The following KIF5B variants were observed in gnomAD, a reference collection of about 807,000 sequenced individuals.
The protein encoded by KIF5B is kinesin family member 5B.
In KIF5B, 49 loss-of-function variants were observed where a neutral mutation model predicts 132.8. That is an observed-to-expected ratio of 0.37 (90% CI 0.29 to 0.47). The LOEUF (loss-of-function observed/expected upper bound fraction) is 0.47, where lower values mean the gene tolerates loss of function less well. KIF5B is among the 20% of genes least tolerant of loss of function. The pLI is 1.00. For synonymous variants in KIF5B, 355 were observed against 369.4 expected (o/e 0.96, Z 0.45); for missense variants, 780 against 1,144.0 (o/e 0.68, Z 4.59).
chr10:32,018,027 T>A, intron 23 of KIF5B, 25 bp downstream of exon 23: 2 of 1,300,958 alleles, frequency 1.5e-6, no homozygotes, highest in Non-Finnish European at 2.2e-6. Context: ...ATCTTGCAGC[T>A]ACCAGAAAAT....
intron 2 of KIF5B, among the ~76,000 whole-genome samples, chr10:32,047,535 A>C (rs182966456): frequency 9.3e-4 from 142 of 152,190 alleles, no homozygotes; most frequent in African/African-American, 3.3e-3. Flanking sequence ...CTTTTCCTAG[A>C]ACCTCTTCCC....
intron 24 of KIF5B, among the ~76,000 whole-genome samples, chr10:32,016,257 G>C (rs555855426): frequency 6.6e-4 from 100 of 152,138 alleles, no homozygotes; most frequent in African/African-American, 2.2e-3. Context: ...AGGAGTACGA[G>C]ACCAGCCTGA....
rs780815861 is a variant in KIF5B, at chr10:32,022,953, G to C, written c.1809C>G (p.Thr603=). 6.2e-7 allele frequency: 1 copy of C among 1,613,196 alleles called. No homozygotes were observed. The highest frequency in any genetic ancestry group is 1.3e-5 in the African/African-American group (1 of 74,952). Residue 603 remains threonine, a synonymous_variant, in exon 16 of 26, where the codon ACC becomes ACG. Transcript: ENST00000302418. ...CTAACTGCTTGCAACGTTTCACCATGGTTTTTACTTCTGACTTCATTTTGC... is the reference window on the plus strand; with the variant it reads ...CTAACTGCTTGCAACGTTTCACCATCGTTTTTACTTCTGACTTCATTTTGC... ...YISKMKSEVK[T]MVKRCKQLES...
At chr10:32,013,595 G>C (rs1454865812) in intron 25 of KIF5B, among the ~76,000 whole-genome samples, 1 of 152,170 alleles carries the variant, frequency 6.6e-6, no homozygotes, top group Non-Finnish European at 1.5e-5. Context: ...AGCTGTACAG[G>C]ATAGTGAAAA....
intron 2 of KIF5B, among the ~76,000 whole-genome samples, chr10:32,043,534 G>A (rs968694708): frequency 1.3e-5 from 2 of 152,192 alleles, no homozygotes; most frequent in Admixed American, 1.3e-4. Context: ...GAATACAGCG[G>A]CAGAGAGTTC....
chr10:32,014,902 C>T (rs554907152), intron 25 of KIF5B, among the ~76,000 whole-genome samples: 2 of 152,276 alleles, frequency 1.3e-5, no homozygotes, highest in East Asian at 1.9e-4. Context: ...GCGGGCAGAT[C>T]GCCTGAAGTC....
Position 32,019,870 on chromosome 10 carries a change from A to G in KIF5B, c.2294T>C (p.Leu765Pro). The change falls in exon 20 of 26, where the codon CTA becomes CCA. Residue 765 changes from leucine to proline, a missense_variant. Coordinates refer to ENST00000302418, the MANE Select transcript of KIF5B (RefSeq NM_004521.3). ...AACAATTACTCACGTAAGTTCATGT[A>G]GTTTTCTGCTCTTTTCCTGATCTGT... ...KATDQEKSRK[L>P]HELTVMQDRR... The G allele has an allele frequency of 6.2e-7, 1 of 1,600,260 alleles. No homozygotes were observed. Among genetic ancestry groups the G allele is most frequent in the Non-Finnish European group, 8.5e-7 (1 of 1,170,410 alleles).
rs150373625 is a variant in KIF5B, at chr10:32,044,541, G to A, written c.214+3923C>T. ...ACAAAAATTAGCAGGGTGTGGTGGC[G>A]CATGCCCGTAATCCCAGCTACTCAG... On this transcript the variant is annotated intron_variant, in intron 2 of 25. Transcript: ENST00000302418. Among the ~76,000 whole-genome samples the A allele has an allele frequency of 8.6e-3, 1,305 of 152,206 alleles. 26 individuals carry two copies. The highest frequency in any genetic ancestry group is 0.03 in the African/African-American group (1,226 of 41,532).
chr10:32,048,327 T>C, intron 2 of KIF5B, 137 bp downstream of exon 2: 1 of 587,704 alleles, frequency 1.7e-6, no homozygotes, highest in South Asian at 2.1e-5. Flanking sequence ...GACCTTTTTA[T>C]TATTTAAACA....
chr10:32,030,093 T>C (rs1284591843), intron 14 of KIF5B, among the ~76,000 whole-genome samples: 2 of 152,210 alleles, frequency 1.3e-5, no homozygotes, highest in African/African-American at 4.8e-5. Flanking sequence ...GAAGCTAGCA[T>C]TAACCACAAC....
intron 24 of KIF5B, 121 bp from the exon 25 acceptor site, chr10:32,015,780 T>C (rs1035148505): frequency 1.9e-5 from 14 of 750,000 alleles, no homozygotes; most frequent in Middle Eastern, 3.1e-4. Flanking sequence ...TTTGCCTTTT[T>C]GTTTCTCCAT....
chr10:32,040,640 C>CAT (rs1454394672), intron 2 of KIF5B, among the ~76,000 whole-genome samples, 183 bp from the exon 3 acceptor site: 1 of 148,984 alleles, frequency 6.7e-6, no homozygotes, highest in African/African-American at 2.5e-5. Context: ...CACACACACA[C>CAT]ACACACACAC....
chr10:32,043,880 T>C (rs1311569451), intron 2 of KIF5B, among the ~76,000 whole-genome samples: 1 of 152,184 alleles, frequency 6.6e-6, no homozygotes, highest in East Asian at 1.9e-4. Context: ...ATCAAATCCC[T>C]ATCTCAAAAG....
chr10:32,021,527 C>A (rs529522079), intron 17 of KIF5B, among the ~76,000 whole-genome samples: 49 of 146,640 alleles, frequency 3.3e-4, no homozygotes, highest in African/African-American at 1.1e-3. Context: ...TTGGCCTAAT[C>A]CAGAACAGAT....
At chr10:32,015,706 G>C (rs766966738) in intron 24 of KIF5B, 47 bp from the exon 25 acceptor site, 2 of 1,438,776 alleles carry the variant, frequency 1.4e-6, no homozygotes, top group South Asian at 2.5e-5. Flanking sequence ...TTTAAGATGT[G>C]ACTGCAATGA....
At chr10:32,025,628 G>A (rs867989787) in intron 15 of KIF5B, among the ~76,000 whole-genome samples, 76 of 142,534 alleles carry the variant, frequency 5.3e-4, no homozygotes, top group Middle Eastern at 7.0e-3. Flanking sequence ...TGCCCGCCTC[G>A]GCCTCCCGAA....
At chr10:32,037,868 T>C (rs1377377583) in intron 6 of KIF5B, among the ~76,000 whole-genome samples, 2 of 151,494 alleles carry the variant, frequency 1.3e-5, no homozygotes, top group African/African-American at 4.9e-5. Flanking sequence ...TCCCAGCACT[T>C]TGGGAGGCAG....
intron 9 of KIF5B, 47 bp downstream of exon 9, chr10:32,035,843 A>G: frequency 6.9e-7 from 1 of 1,454,682 alleles, no homozygotes; most frequent in Non-Finnish European, 9.5e-7. Context: ...CTATATTTAA[A>G]TAATGCCCCA....
At chr10:32,015,462 C>A in intron 25 of KIF5B, 47 bp downstream of exon 25, 4 of 1,401,724 alleles carry the variant, frequency 2.9e-6, no homozygotes, top group Non-Finnish European at 2.9e-6. Flanking sequence ...TATTTAACAA[C>A]CAATTTTCCA....
Sources: allele counts gnomAD v4.1 joint callset (sites outside exome capture counted in the v4.1 genomes callset), GRCh38; gene constraint gnomAD v4.1.1; transcripts MANE v1.5; gene names NCBI Gene and HGNC (gene_info 2026-07-23, HGNC 2026-07-21).